Variants in DCC observed in about 807,000 individuals in gnomAD.
DCC encodes DCC netrin 1 receptor.
A neutral mutation model predicts 172.5 loss-of-function variants in DCC; 58 were observed. The observed-to-expected ratio is 0.34, with a 90% CI of 0.27 to 0.42. The LOEUF (loss-of-function observed/expected upper bound fraction) is 0.42. Among genes scored for constraint, DCC ranks in the 10% least tolerant of loss-of-function variants. The pLI, the probability that DCC is intolerant of heterozygous loss-of-function variation, is 1.00. For synonymous variants in DCC, 709 were observed against 644.5 expected (o/e 1.10, Z -1.52); for missense variants, 1,740 against 1,791.0 (o/e 0.97, Z 0.51).
chr18:53,387,720 C>T (rs1357967953), intron 16 of DCC, among the ~76,000 whole-genome samples: 5 of 152,288 alleles, frequency 3.3e-5, no homozygotes, highest in Admixed American at 2.6e-4. Context: ...CATAATTTTC[C>T]TTTAGTGACC....
At position 53,435,156 on chromosome 18, in the gene DCC, A is replaced by T; in HGVS notation, c.3176A>T (p.Asp1059Val). The change falls in exon 22 of 29, where the codon GAT becomes GTT. Residue 1059 changes from aspartate to valine, a missense_variant. Coordinates refer to ENST00000442544, the MANE Select transcript of DCC (RefSeq NM_005215.4). ...KMANDQGRHG[D>V]GGYWPVDTNL... ...TCCCAATGAACAGGTCGTCATGGAGATGGAGGTTATTGGCCAGTTGATACT... is the reference window on the plus strand; with the variant it reads ...TCCCAATGAACAGGTCGTCATGGAGTTGGAGGTTATTGGCCAGTTGATACT... 6.2e-7 allele frequency: 1 copy of T among 1,611,226 alleles called. No individual in the cohort carries two copies. Among genetic ancestry groups the T allele is most frequent in the Non-Finnish European group, 8.5e-7 (1 of 1,177,496 alleles).
intron 1 of DCC, among the ~76,000 whole-genome samples, chr18:52,709,757 C>T (rs1011497080): frequency 3.3e-5 from 5 of 152,160 alleles, no homozygotes; most frequent in Non-Finnish European, 7.3e-5. Flanking sequence ...TAAAAATGGA[C>T]TTCGAAACCA....
intron 5 of DCC, among the ~76,000 whole-genome samples, chr18:53,030,509 G>A (rs974842014): frequency 4.0e-5 from 6 of 151,854 alleles, no homozygotes; most frequent in African/African-American, 1.2e-4. Flanking sequence ...CTTTAAGCTG[G>A]AAATATGTTC....
At chr18:53,008,304 T>G (rs761144960) in intron 5 of DCC, among the ~76,000 whole-genome samples, 2 of 152,080 alleles carry the variant, frequency 1.3e-5, no homozygotes, top group Admixed American at 6.6e-5. Context: ...ATCACTAGTA[T>G]CTATTCTACT....
intron 1 of DCC, among the ~76,000 whole-genome samples, chr18:52,746,692 T>C (rs2036909906): frequency 6.6e-6 from 1 of 152,176 alleles, no homozygotes. Flanking sequence ...TTCTAAAATA[T>C]ATTAAGAATA....
intron 2 of DCC, among the ~76,000 whole-genome samples, chr18:52,856,385 G>A (rs1456730345): frequency 6.6e-6 from 1 of 151,728 alleles, no homozygotes; most frequent in African/African-American, 2.4e-5. Flanking sequence ...CAGCACTTTG[G>A]GAGGCCGAGG....
chr18:52,498,572 C>A (rs1002597577), intron 1 of DCC, among the ~76,000 whole-genome samples: 2 of 151,850 alleles, frequency 1.3e-5, no homozygotes, highest in African/African-American at 2.4e-5. Context: ...TGCAGTGAGC[C>A]GAGATCATGC....
intron 26 of DCC, among the ~76,000 whole-genome samples, chr18:53,498,561 G>GAAAA (rs10686831): frequency 0.026 from 3,669 of 139,744 alleles, 101 homozygotes; most frequent in Middle Eastern, 0.045. Flanking sequence ...GTGTTCTCTG[G>GAAAA]AAAAAAAAAA....
intron 12 of DCC, among the ~76,000 whole-genome samples, chr18:53,272,092 C>G (rs2056755617): frequency 6.6e-6 from 1 of 152,044 alleles, no homozygotes; most frequent in Non-Finnish European, 1.5e-5. Context: ...GGTTAAGAAA[C>G]TTAGTATTTT....
At chr18:53,263,044 A>G (rs1013715997) in intron 12 of DCC, among the ~76,000 whole-genome samples, 13 of 152,238 alleles carry the variant, frequency 8.5e-5, no homozygotes, top group African/African-American at 2.4e-4. Context: ...GGTATGGGGA[A>G]CAAATATGGC....
chr18:53,280,894 A>G (rs564274596), intron 12 of DCC, among the ~76,000 whole-genome samples: 2 of 152,256 alleles, frequency 1.3e-5, no homozygotes, highest in African/African-American at 4.8e-5. Context: ...GTCATTTCAT[A>G]TGACCTAACC....
chr18:53,065,749 A>C (rs2144088229), intron 6 of DCC, among the ~76,000 whole-genome samples: 1 of 152,288 alleles, frequency 6.6e-6, no homozygotes, highest in African/African-American at 2.4e-5. Flanking sequence ...TATAATTAAT[A>C]AAATACTTGT....
intron 8 of DCC, among the ~76,000 whole-genome samples, chr18:53,175,432 C>A (rs368902416): frequency 6.6e-6 from 1 of 152,012 alleles, no homozygotes; most frequent in Non-Finnish European, 1.5e-5. Context: ...AAAACCCCAT[C>A]GTCTCAACCC....
chr18:53,100,180 T>G (rs1374937940), intron 7 of DCC, among the ~76,000 whole-genome samples: 2 of 151,890 alleles, frequency 1.3e-5, no homozygotes, highest in Non-Finnish European at 2.9e-5. Context: ...ACTCCTGACC[T>G]CAAGTGATCC....
intron 2 of DCC, among the ~76,000 whole-genome samples, chr18:52,798,955 G>A (rs1159945376): frequency 6.6e-6 from 1 of 151,628 alleles, no homozygotes; most frequent in African/African-American, 2.4e-5. Flanking sequence ...CACTATGTTG[G>A]CCAGGCTGGT....
At chr18:53,006,207 A>T (rs1187092084) in intron 5 of DCC, among the ~76,000 whole-genome samples, 1 of 152,218 alleles carries the variant, frequency 6.6e-6, no homozygotes, top group African/African-American at 2.4e-5. Context: ...TTTATGTCTC[A>T]TGACAAACAA....
intron 12 of DCC, among the ~76,000 whole-genome samples, chr18:53,274,167 T>G (rs1394745475): frequency 6.6e-6 from 1 of 152,174 alleles, no homozygotes; most frequent in Non-Finnish European, 1.5e-5. Flanking sequence ...CATATATATA[T>G]TCACACACAA....
At chr18:52,344,544 C>T (rs140229261) in intron 1 of DCC, among the ~76,000 whole-genome samples, 1 of 152,296 alleles carries the variant, frequency 6.6e-6, no homozygotes, top group African/African-American at 2.4e-5. Flanking sequence ...ATGTTTGCAG[C>T]TGCACGCAGT....
At chr18:52,828,810 T>A (rs1165010911) in intron 2 of DCC, among the ~76,000 whole-genome samples, 1 of 152,192 alleles carries the variant, frequency 6.6e-6, no homozygotes, top group African/African-American at 2.4e-5. Context: ...TGGTGCTGTA[T>A]GAGAGAAGAC....
Sources: allele counts gnomAD v4.1 joint callset (sites outside exome capture counted in the v4.1 genomes callset), GRCh38; gene constraint gnomAD v4.1.1; transcripts MANE v1.5; gene names NCBI Gene and HGNC (gene_info 2026-07-23, HGNC 2026-07-21).